ADCY7: variants seen among roughly 807,000 people sequenced by gnomAD.
ADCY7 encodes adenylate cyclase 7.
In ADCY7, 72 loss-of-function variants were observed where a neutral mutation model predicts 120.6. The ratio of observed to expected loss-of-function variants is 0.60; its 90% CI spans 0.49 to 0.73. The LOEUF (loss-of-function observed/expected upper bound fraction) is 0.73. Among genes scored for constraint, ADCY7 ranks in the 30% least tolerant of loss-of-function variants. The pLI is 0.00. For missense variants in ADCY7, 1,227 were observed against 1,486.0 expected (o/e 0.83, Z 2.87); for synonymous variants, 661 against 628.0 (o/e 1.05, Z -0.78).
At chr16:50,301,020 C>A (rs1222056998) in intron 9 of ADCY7, 62 bp from the exon 10 acceptor site, 2 of 1,586,476 alleles carry the variant, frequency 1.3e-6, no homozygotes, top group African/African-American at 1.4e-5. Context: ...TGCTGTGCAT[C>A]CCTGGGTGGA....
chr16:50,273,196 G>T (rs2033679070), intron 1 of ADCY7, among the ~76,000 whole-genome samples: 1 of 152,186 alleles, frequency 6.6e-6, no homozygotes, highest in South Asian at 2.1e-4. Context: ...AAGCCCCTGA[G>T]AACTGGTATT....
upstream of ADCY7, among the ~76,000 whole-genome samples, chr16:50,262,262 T>C (rs910795697): frequency 8.2e-5 from 12 of 146,662 alleles, no homozygotes; most frequent in Admixed American, 3.4e-4. Context: ...TCAGATCTCT[T>C]TTTTTTTTTT....
intron 10 of ADCY7, among the ~76,000 whole-genome samples, chr16:50,302,281 C>CG (rs1567568379): frequency 1.3e-5 from 2 of 152,216 alleles, no homozygotes; most frequent in Non-Finnish European, 1.5e-5. Context: ...AGTGCCATGC[C>CG]GGGGGGCTCC....
chr16:50,255,349 G>T (rs151143030), intron 1 of ADCY7, among the ~76,000 whole-genome samples: 176 of 144,376 alleles, frequency 1.2e-3, no homozygotes, highest in African/African-American at 4.3e-3. Context: ...CATCTAAAGT[G>T]CTGGGATTAC....
At chr16:50,314,504 G>T in intron 24 of ADCY7, 98 bp downstream of exon 24, 1 of 852,548 alleles carries the variant, frequency 1.2e-6, no homozygotes. Flanking sequence ...TATTATGAAA[G>T]GTTTTAGAAA....
upstream of ADCY7, among the ~76,000 whole-genome samples, chr16:50,262,805 G>A (rs150365247): frequency 1.4e-3 from 213 of 152,336 alleles, 1 homozygote; most frequent in South Asian, 0.011. Context: ...GTGTGCCCTG[G>A]CGCCTCTACC....
rs779801111 is a variant in ADCY7, at chr16:50,313,986, TGGA to T, written c.2782_2784del (p.Glu928del). 9.9e-6 allele frequency: 16 copies of T among 1,613,860 alleles called. No homozygotes were observed. The African/African-American group carries it at 1.7e-4, about 18-fold the overall frequency. On this transcript the variant is annotated inframe_deletion, in exon 23 of 26. Coordinates refer to ENST00000673801, the MANE Select transcript of ADCY7 (RefSeq NM_001114.5). ...CTACTGAAGCCCAAGTTCAGCGGCGTGGAGAAGATCAAGACCATCGGCAGCACG... is the reference window on the plus strand; with the variant it reads ...CTACTGAAGCCCAAGTTCAGCGGCGTGAAGATCAAGACCATCGGCAGCACG...
intron 9 of ADCY7, 83 bp from the exon 10 acceptor site, chr16:50,300,999 C>T (rs947094732): frequency 6.4e-7 from 1 of 1,558,946 alleles, no homozygotes. Flanking sequence ...GGCCTGGGGC[C>T]CAGGCCTGCC....
At chr16:50,253,651 C>T (rs542367395) in intron 1 of ADCY7, among the ~76,000 whole-genome samples, 5 of 152,186 alleles carry the variant, frequency 3.3e-5, no homozygotes, top group South Asian at 2.1e-4. Flanking sequence ...GGGCACTGAG[C>T]GCTTTCCACT....
At chr16:50,253,408 T>A (rs2032816773) in intron 1 of ADCY7, among the ~76,000 whole-genome samples, 1 of 152,200 alleles carries the variant, frequency 6.6e-6, no homozygotes, top group Non-Finnish European at 1.5e-5. Context: ...TGTGCCACCA[T>A]GCCCGACTAA....
chr16:50,314,479 C>A, intron 24 of ADCY7, 73 bp downstream of exon 24: 1 of 1,082,404 alleles, frequency 9.2e-7, no homozygotes, highest in Non-Finnish European at 1.4e-6. Flanking sequence ...TGTGGCACAG[C>A]TGCACCTCGC....
intron 1 of ADCY7, among the ~76,000 whole-genome samples, chr16:50,278,049 CT>C (rs372308371): frequency 1.9e-4 from 28 of 145,312 alleles, no homozygotes; most frequent in African/African-American, 2.3e-4. Flanking sequence ...TTGTGGGTTG[CT>C]TTTTTTTTTG....
At chr16:50,278,651 T>C (rs1443389254) in intron 1 of ADCY7, among the ~76,000 whole-genome samples, 2 of 152,226 alleles carry the variant, frequency 1.3e-5, no homozygotes, top group African/African-American at 2.4e-5. Context: ...TACAGCATCA[T>C]ATGAGAATTC....
intron 1 of ADCY7, among the ~76,000 whole-genome samples, chr16:50,257,602 T>TA (rs1329625039): frequency 1.3e-5 from 2 of 151,916 alleles, no homozygotes; most frequent in African/African-American, 2.4e-5. Context: ...ACAATAAAAT[T>TA]AAAAAAACAA....
At chr16:50,278,895 A>G (rs2034078211) in intron 1 of ADCY7, among the ~76,000 whole-genome samples, 1 of 134,326 alleles carries the variant, frequency 7.4e-6, no homozygotes, top group Admixed American at 8.0e-5. Context: ...TTTTTTTGGC[A>G]GAGCCTCACT....
chr16:50,292,740 T>C lies in ADCY7; in HGVS notation c.602T>C (p.Met201Thr), dbSNP rs754058483. The C allele has an allele frequency of 3.1e-6, 5 of 1,613,912 alleles. No individual in the cohort carries two copies. The highest frequency in any genetic ancestry group is 2.2e-5 in the East Asian group (1 of 44,896). Reference protein sequence around the residue: ...NLTGAFHKHQMQDASRDLFTY... With the variant: ...NLTGAFHKHQTQDASRDLFTY... ...ACAGGCGCCTTCCACAAGCACCAAA[T>C]GCAGGATGCATCCCGGGACCTCTTC... Residue 201 changes from methionine to threonine, a missense_variant, in exon 5 of 26, where the codon ATG (methionine) becomes ACG (threonine). Coordinates refer to ENST00000673801, the MANE Select transcript of ADCY7 (RefSeq NM_001114.5).
chr16:50,273,532 G>T (rs2033697294), intron 1 of ADCY7, among the ~76,000 whole-genome samples: 1 of 152,236 alleles, frequency 6.6e-6, no homozygotes, highest in Non-Finnish European at 1.5e-5. Flanking sequence ...GCAGATGGGG[G>T]TCTGGTGGCA....
chr16:50,310,466 G>GT (rs1487676268), intron 18 of ADCY7: 5 of 1,536,126 alleles, frequency 3.3e-6, no homozygotes, highest in East Asian at 2.4e-5. Context: ...CCTGCATACT[G>GT]TTTTTTCCCG....
chr16:50,259,259 ATGCAGTTCTAGGAGCTGCTATTTTC>A (rs2032997521), intron 1 of ADCY7, among the ~76,000 whole-genome samples: 1 of 152,330 alleles, frequency 6.6e-6, no homozygotes, highest in South Asian at 2.1e-4. Context: ...CACACTTCAC[ATGCAGTTCTAGGAGCTGCTATTTTC>A]AATTTGTGGT....
Sources: allele counts gnomAD v4.1 joint callset (sites outside exome capture counted in the v4.1 genomes callset), GRCh38; gene constraint gnomAD v4.1.1; transcripts MANE v1.5; gene names NCBI Gene and HGNC (gene_info 2026-07-23, HGNC 2026-07-21).